SMCHD1: variants seen among roughly 807,000 people sequenced by gnomAD.
SMCHD1 encodes the protein structural maintenance of chromosomes flexible hinge domain containing 1.
Under a neutral mutation model 254.7 loss-of-function variants are expected in SMCHD1, and 78 were observed. That is an observed-to-expected ratio of 0.31 (90% CI 0.26 to 0.37). SMCHD1 has a LOEUF of 0.37. Ranked by LOEUF, SMCHD1 falls within the 10% of genes least tolerant of loss-of-function variation. The pLI is 1.00. For synonymous variants in SMCHD1, 766 were observed against 794.9 expected (o/e 0.96, Z 0.61); for missense variants, 1,840 against 2,408.1 (o/e 0.76, Z 4.94).
chr18:2,775,929 G>GA lies in SMCHD1; in HGVS notation c.5366+11dup, dbSNP rs781756352. On this transcript the variant is annotated splice_donor_region_variant and intron_variant, in intron 42 of 47. Coordinates refer to ENST00000320876, the MANE Select transcript of SMCHD1 (RefSeq NM_015295.3). ...GACTCTTCCAGATTGGAAAAGGTTA[G>GA]AAAAAAGTGAAAGTAATTTTTTTTC... 1.3e-6 allele frequency: 2 copies of GA among 1,556,276 alleles called. No individual in the cohort carries two copies. Among genetic ancestry groups the GA allele is most frequent in the East Asian group, 2.4e-5 (1 of 42,082 alleles).
intron 46 of SMCHD1, 85 bp from the exon 47 acceptor site, chr18:2,796,322 A>G: frequency 4.3e-6 from 4 of 934,290 alleles, no homozygotes; most frequent in Non-Finnish European, 6.4e-6. Flanking sequence ...CTTTTTCTAT[A>G]AATTATGACA....
At chr18:2,677,243 A>G (rs2073773689) in intron 5 of SMCHD1, among the ~76,000 whole-genome samples, 1 of 152,152 alleles carries the variant, frequency 6.6e-6, no homozygotes, top group South Asian at 2.1e-4. Context: ...CTCCTTATAT[A>G]TCTGTCCCAC....
chr18:2,786,196 T>C (rs1297413037), intron 45 of SMCHD1, among the ~76,000 whole-genome samples: 1 of 152,010 alleles, frequency 6.6e-6, no homozygotes, highest in Non-Finnish European at 1.5e-5. Context: ...GTATCTTTAG[T>C]AGAGATGGGG....
chr18:2,728,951 GAA>G (rs370623037), intron 23 of SMCHD1: 230 of 167,796 alleles, frequency 1.4e-3, no homozygotes, highest in Middle Eastern at 2.4e-3. Flanking sequence ...TTACTTTAGG[GAA>G]AAAAAAAAAA....
chr18:2,699,067 A>T (rs1413059126), intron 10 of SMCHD1, among the ~76,000 whole-genome samples: 3 of 152,206 alleles, frequency 2.0e-5, no homozygotes, highest in Non-Finnish European at 4.4e-5. Context: ...AAACTTTTTC[A>T]TTCAGAATAC....
At position 2,743,919 on chromosome 18, in the gene SMCHD1, A is replaced by G; in HGVS notation, c.3792A>G (p.Glu1264=). ...PAKLLLIDWP[E]LKESIPVING... ...AACTTCTCCTTATAGACTGGCCAGA[A>G]CTAAAGGAGGTAAGTCACTTCATGT... Residue 1264 remains glutamate (E), a synonymous_variant, in exon 29 of 48, where the codon GAA becomes GAG. Transcript: ENST00000320876. The G allele has an allele frequency of 1.9e-6, 3 of 1,607,972 alleles. No individual in the cohort carries two copies. Among genetic ancestry groups the G allele is most frequent in the Non-Finnish European group, 2.5e-6 (3 of 1,177,386 alleles).
In SMCHD1 at chr18:2,740,790, T is replaced by C; in HGVS notation, c.3602T>C (p.Leu1201Pro). 6.2e-7 allele frequency: 1 copy of C among 1,608,996 alleles called. No individual in the cohort carries two copies. The highest frequency in any genetic ancestry group is 8.5e-7 in the Non-Finnish European group (1 of 1,177,132). Reference sequence around the variant, plus strand: ...TCTTTGTCAATTGCTGGGGTTGGACTTGATAGCTCAAATTTGAAAACAACC... The same window carrying C: ...TCTTTGTCAATTGCTGGGGTTGGACCTGATAGCTCAAATTTGAAAACAACC... ...LSSLSIAGVG[L>P]DSSNLKTTFQ... Residue 1201 changes from leucine (L) to proline (P), a missense_variant, in exon 28 of 48, where the codon CTT becomes CCT. Coordinates refer to ENST00000320876, the MANE Select transcript of SMCHD1 (RefSeq NM_015295.3).
At chr18:2,762,458 C>A (rs1385529700) in intron 36 of SMCHD1, among the ~76,000 whole-genome samples, 1 of 150,122 alleles carries the variant, frequency 6.7e-6, no homozygotes, top group Non-Finnish European at 1.5e-5. Flanking sequence ...ATAAGCAGAA[C>A]TGACTCAAAA....
In SMCHD1 at chr18:2,769,769, CTT is replaced by C. The variant is rs867598503; in HGVS notation, c.4798_4799del (p.Leu1600IlefsTer16). On this transcript the variant is annotated frameshift_variant, in exon 38 of 48. Transcript: ENST00000320876. LOFTEE classifies it high-confidence loss of function. ...YFIVFEPRLP[L>X]LSRTLEPYIL... ...TATTGTATTTGAGCCCCGGCTACCA[CTT>C]TTATCAAGAACCTTAGAACCATATA... is the stretch of plus-strand genomic sequence containing the variant. 1 of 1,604,566 alleles carries C rather than the reference CTT, an allele frequency of 6.2e-7. No individual in the cohort carries two copies. The highest frequency in any genetic ancestry group is 1.3e-5 in the African/African-American group (1 of 74,934).
rs2076382184 is a variant in SMCHD1 at position 2,802,508 on chromosome 18, T to C, written c.5994-20T>C. 6 of 1,545,214 alleles carry C rather than the reference T, an allele frequency of 3.9e-6. No individual in the cohort carries two copies. Among genetic ancestry groups the C allele is most frequent in the Non-Finnish European group, 3.5e-6 (4 of 1,143,892 alleles). ...AAACCTTTGGTACATAAAACTTTTT[T>C]TTCTTTCCCCTTTGACCAGGATTAT... On this transcript the variant is annotated intron_variant, in intron 47 of 47. Coordinates refer to ENST00000320876, the MANE Select transcript of SMCHD1 (RefSeq NM_015295.3).
At chr18:2,671,618 CAG>C (rs1304019124) in intron 3 of SMCHD1, among the ~76,000 whole-genome samples, 1 of 124,808 alleles carries the variant, frequency 8.0e-6, no homozygotes, top group Non-Finnish European at 1.6e-5. Flanking sequence ...TTTTTTGAGA[CAG>C]AGTCTCGCTC....
chr18:2,741,883 A>G (rs2075356652), intron 28 of SMCHD1, among the ~76,000 whole-genome samples: 1 of 152,144 alleles, frequency 6.6e-6, no homozygotes, highest in African/African-American at 2.4e-5. Flanking sequence ...TCTTAAACAA[A>G]CAAAAGGAAA....
intron 43 of SMCHD1, 34 bp from the exon 44 acceptor site, chr18:2,778,135 A>G (rs1401526740): frequency 1.3e-6 from 2 of 1,485,648 alleles, no homozygotes; most frequent in Admixed American, 1.9e-5. Context: ...GGAAAATATC[A>G]TAATTTTCAA....
chr18:2,724,022 T>C (rs1208615501), intron 20 of SMCHD1, among the ~76,000 whole-genome samples: 4 of 151,568 alleles, frequency 2.6e-5, no homozygotes, highest in Non-Finnish European at 5.9e-5. Context: ...TCTTTATGTT[T>C]TCCTTTAATA....
intron 34 of SMCHD1, among the ~76,000 whole-genome samples, chr18:2,754,868 G>A (rs1356476359): frequency 1.3e-5 from 2 of 151,618 alleles, no homozygotes; most frequent in African/African-American, 4.9e-5. Context: ...AGGTGCGGTG[G>A]CTCACACCTA....
intron 5 of SMCHD1, among the ~76,000 whole-genome samples, chr18:2,678,223 T>TTCTTTCTTTCTTTCTTTTTC (rs58882016): frequency 1.4e-5 from 2 of 138,966 alleles, no homozygotes; most frequent in Admixed American, 7.3e-5. Context: ...CTTTCTTTCT[T>TTCTTTCTTTCTTTCTTTTTC]TTTCTTTCTT....
chr18:2,745,558 T>G (rs2075438394), intron 29 of SMCHD1, among the ~76,000 whole-genome samples: 1 of 152,224 alleles, frequency 6.6e-6, no homozygotes, highest in African/African-American at 2.4e-5. Context: ...CAGTGCATTT[T>G]TTTTTCTGGG....
chr18:2,667,269 A>G (rs75278118), intron 3 of SMCHD1, among the ~76,000 whole-genome samples: 14 of 152,268 alleles, frequency 9.2e-5, no homozygotes, highest in Non-Finnish European at 1.8e-4. Flanking sequence ...TTTTCAACTC[A>G]TAAGGGGTCT....
intron 28 of SMCHD1, among the ~76,000 whole-genome samples, chr18:2,741,245 TA>T (rs1196176410): frequency 6.6e-6 from 1 of 152,138 alleles, no homozygotes; most frequent in East Asian, 1.9e-4. Context: ...CATGTTAGCT[TA>T]AAAAATAAAA....
Sources: gnomAD v4.1 joint callset for allele counts (sites outside exome capture counted in the v4.1 genomes callset) on GRCh38, gnomAD v4.1.1 for gene constraint, MANE v1.5 for transcripts, NCBI Gene and HGNC (gene_info 2026-07-23, HGNC 2026-07-21) for gene names.